PXDNL: variants seen among roughly 807,000 people sequenced by gnomAD.
PXDNL encodes the protein probable oxidoreductase PXDNL.
A neutral mutation model predicts 150.8 loss-of-function variants in PXDNL; 145 were observed. The ratio of observed to expected loss-of-function variants is 0.96; its 90% CI spans 0.84 to 1.10. The LOEUF is 1.10. PXDNL is among the 50% of genes least tolerant of loss of function. PXDNL has a pLI of 0.00. For missense variants in PXDNL, 2,087 were observed against 1,873.9 expected (o/e 1.11, Z -2.10); for synonymous variants, 757 against 725.7 (o/e 1.04, Z -0.69).
chr8:51,435,377 G>GTTTC (rs1809371876), intron 12 of PXDNL, among the ~76,000 whole-genome samples: 1 of 151,280 alleles, frequency 6.6e-6, no homozygotes, highest in South Asian at 2.1e-4. Flanking sequence ...GTTTTTGTTT[G>GTTTC]TTTGTTTGTT....
At chr8:51,416,966 C>A (rs1563403146) in intron 14 of PXDNL, among the ~76,000 whole-genome samples, 1 of 152,096 alleles carries the variant, frequency 6.6e-6, no homozygotes, top group Non-Finnish European at 1.5e-5. Flanking sequence ...AAAACTAACT[C>A]TTTTATTATT....
At position 51,535,734 on chromosome 8, in the gene PXDNL, T is replaced by TA. The variant is rs1435627630; in HGVS notation, c.380+21105dup. ...ATCAATAAAAAAATAAATAAATAAA[T>TA]AAATAAAAATAAAGTTTGAGAAGAA... On this transcript the variant is annotated intron_variant, in intron 4 of 22. Transcript: ENST00000356297. Among the ~76,000 whole-genome samples, 166 of 128,474 alleles carry TA rather than the reference T, an allele frequency of 1.3e-3. 5 individuals carry two copies. Among genetic ancestry groups the TA allele is most frequent in the African/African-American group, 5.0e-3 (155 of 31,204 alleles). 84.3% of individuals were successfully genotyped at this position (128,474 alleles called of 152,430 possible).
intron 1 of PXDNL, among the ~76,000 whole-genome samples, chr8:51,806,671 T>G (rs1220921544): frequency 6.6e-6 from 1 of 152,230 alleles, no homozygotes; most frequent in Non-Finnish European, 1.5e-5. Context: ...GGCTTGTATA[T>G]TTTTGCCTTT....
intron 2 of PXDNL, among the ~76,000 whole-genome samples, chr8:51,633,223 C>A (rs1366084579): frequency 6.6e-6 from 1 of 152,182 alleles, no homozygotes; most frequent in East Asian, 1.9e-4. Flanking sequence ...CTGCAAAGGA[C>A]ATGATTTCAT....
At chr8:51,669,654 A>G (rs1167850569) in intron 1 of PXDNL, among the ~76,000 whole-genome samples, 1 of 152,152 alleles carries the variant, frequency 6.6e-6, no homozygotes, top group Non-Finnish European at 1.5e-5. Flanking sequence ...CAAAAGTTAG[A>G]TGGAATTCCT....
At chr8:51,568,640 T>C (rs1333209017) in intron 3 of PXDNL, among the ~76,000 whole-genome samples, 1 of 151,848 alleles carries the variant, frequency 6.6e-6, no homozygotes, top group African/African-American at 2.4e-5. Context: ...GTTTCCCATC[T>C]GTCATTATTT....
At chr8:51,407,830 A>G (rs950026919) in intron 17 of PXDNL, among the ~76,000 whole-genome samples, 9 of 152,186 alleles carry the variant, frequency 5.9e-5, no homozygotes, top group African/African-American at 1.4e-4. Flanking sequence ...CTGAAATGCA[A>G]GTTAATAGGA....
chr8:51,421,904 C>G (rs754024366), intron 14 of PXDNL, among the ~76,000 whole-genome samples: 1 of 152,174 alleles, frequency 6.6e-6, no homozygotes, highest in Admixed American at 6.5e-5. Flanking sequence ...CACTGAGGTT[C>G]GAAGATCCTA....
intron 1 of PXDNL, among the ~76,000 whole-genome samples, chr8:51,669,752 C>A (rs1464624697): frequency 6.6e-6 from 1 of 152,082 alleles, no homozygotes; most frequent in South Asian, 2.1e-4. Flanking sequence ...CTTCCCTGAC[C>A]GCTGGAATCC....
chr8:51,691,330 T>G (rs980807764), intron 1 of PXDNL, among the ~76,000 whole-genome samples: 1 of 152,218 alleles, frequency 6.6e-6, no homozygotes, highest in Non-Finnish European at 1.5e-5. Flanking sequence ...TTAATCCATC[T>G]TGAATTAATT....
At chr8:51,599,381 C>T (rs1813643785) in intron 2 of PXDNL, among the ~76,000 whole-genome samples, 1 of 151,828 alleles carries the variant, frequency 6.6e-6, no homozygotes, top group Non-Finnish European at 1.5e-5. Flanking sequence ...TTGCTCTCAA[C>T]TTTCCTCTTA....
At position 51,560,662 on chromosome 8, in the gene PXDNL, C is replaced by T. The variant is rs377217687; in HGVS notation, c.309-3751G>A. Among the ~76,000 whole-genome samples, 16 of 151,792 alleles carry T rather than the reference C, an allele frequency of 1.1e-4. No individual in the cohort carries two copies. In the East Asian group the frequency reaches 1.2e-3, roughly 11 times the overall value. Reference sequence around the variant, plus strand: ...ATACAAAAATTAACTCAAAATGAAGCGAAGACCTAAAACTGTTAGAAGGAA... The same window carrying T: ...ATACAAAAATTAACTCAAAATGAAGTGAAGACCTAAAACTGTTAGAAGGAA... On this transcript the variant is annotated intron_variant, in intron 3 of 22. Transcript: ENST00000356297.
intron 19 of PXDNL, among the ~76,000 whole-genome samples, chr8:51,356,080 G>A (rs1355497531): frequency 2.0e-5 from 3 of 152,198 alleles, no homozygotes. Flanking sequence ...ATAAATAACT[G>A]AGAGCAAATT....
Position 51,393,095 on chromosome 8 carries a change from C to T in PXDNL, c.3557+14972G>A, listed in dbSNP as rs111657424. ...TATACATTTTATGTGAATGTCATGC[C>T]GCTCTGAAATGAAAAGGAAAGAATT... On this transcript the variant is annotated intron_variant, in intron 17 of 22. Coordinates refer to ENST00000356297, the MANE Select transcript of PXDNL (RefSeq NM_144651.5). 5.5e-4 allele frequency among the ~76,000 whole-genome samples: 84 copies of T among 152,184 alleles called. 1 individual carries two copies. The highest frequency in any genetic ancestry group is 1.8e-3 in the African/African-American group (75 of 41,528).
intron 2 of PXDNL, among the ~76,000 whole-genome samples, chr8:51,642,292 G>A (rs1563492950): frequency 6.6e-6 from 1 of 151,926 alleles, no homozygotes; most frequent in Non-Finnish European, 1.5e-5. Context: ...ACCAGCATGG[G>A]CACATGTATA....
chr8:51,409,064 C>T lies in PXDNL; in HGVS notation c.2560G>A (p.Gly854Ser). 4 of 1,609,702 alleles carry T rather than the reference C, an allele frequency of 2.5e-6. No individual in the cohort carries two copies. Among genetic ancestry groups the T allele is most frequent in the Non-Finnish European group, 3.4e-6 (4 of 1,179,476 alleles). ...PMNTRHADPRGTHAPCMLFAR... is the reference protein window; with the variant it reads ...PMNTRHADPRSTHAPCMLFAR... The stretch of plus-strand genomic sequence containing the variant: ...AAGAGCATGCAGGGCGCGTGGGTGC[C>T]CCGGGGGTCGGCGTGCCGGGTGTTC... Residue 854 changes from glycine to serine, a missense_variant, in exon 17 of 23, where the codon GGC (glycine) becomes AGC (serine). Gly to Ser is a moderately conservative substitution (Grantham distance 56). Transcript: ENST00000356297.
chr8:51,368,698 T>C (rs1218452469), intron 19 of PXDNL, among the ~76,000 whole-genome samples: 2 of 152,036 alleles, frequency 1.3e-5, no homozygotes, highest in Non-Finnish European at 2.9e-5. Context: ...ATAATGCCAG[T>C]TAAAACAATT....
At position 51,374,730 on chromosome 8, in the gene PXDNL, A is replaced by G. The variant is rs924813195; in HGVS notation, c.3559T>C (p.Leu1187=). ...DSEIRQKLRK[L]YGSPGDIDLW... is the part of the protein sequence containing the mutation. ...TCAATGTCACCTGGAGAGCCGTACA[A>G]CCTGGAACAGAGACAGGCAGACAGC... is the stretch of plus-strand genomic sequence containing the variant. The change falls in exon 18 of 23, where the codon TTG becomes CTG. Residue 1187 remains leucine (L), a splice_region_variant and synonymous_variant. Coordinates refer to ENST00000356297, the MANE Select transcript of PXDNL (RefSeq NM_144651.5). 1.3e-5 allele frequency: 21 copies of G among 1,613,696 alleles called. No homozygotes were observed. In the African/African-American group the frequency reaches 2.4e-4, roughly 18 times the overall value.
intron 1 of PXDNL, among the ~76,000 whole-genome samples, chr8:51,749,555 C>G (rs1185018105): frequency 6.6e-6 from 1 of 152,218 alleles, no homozygotes; most frequent in African/African-American, 2.4e-5. Flanking sequence ...GCATAGGGCA[C>G]TCACTTTGAA....
Sources: gnomAD v4.1 joint callset for allele counts (sites outside exome capture counted in the v4.1 genomes callset) on GRCh38, gnomAD v4.1.1 for gene constraint, MANE v1.5 for transcripts, NCBI Gene and HGNC (gene_info 2026-07-23, HGNC 2026-07-21) for gene names.